SH3BP5L: variants seen among roughly 807,000 people sequenced by gnomAD.
SH3BP5L encodes the protein SH3 binding domain protein 5 like, also known as SH3 domain-binding protein 5-like.
Under a neutral mutation model 40.9 loss-of-function variants are expected in SH3BP5L, and 16 were observed. The observed-to-expected ratio is 0.39, with a 90% CI of 0.27 to 0.59. The LOEUF (loss-of-function observed/expected upper bound fraction) is 0.59, where lower values mean the gene tolerates loss of function less well. SH3BP5L is among the 20% of genes least tolerant of loss of function. The pLI is 0.53. For synonymous variants in SH3BP5L, 229 were observed against 226.7 expected (o/e 1.01, Z -0.09); for missense variants, 471 against 544.6 (o/e 0.86, Z 1.35).
intron 2 of SH3BP5L, 122 bp from the exon 3 acceptor site, chr1:248,817,006 C>T: frequency 6.4e-7 from 1 of 1,572,084 alleles, no homozygotes; most frequent in East Asian, 2.4e-5. Context: ...AGGTGAGACA[C>T]TCAGGAAAGG....
At position 248,811,547 on chromosome 1, in the gene SH3BP5L, CAAGTTCCCTGAGGGAAA is replaced by C. The variant is rs745371629; in HGVS notation, c.*336_*352del. ...ATGAGCTTCCCAGTGCCTTCTAGAC[CAAGTTCCCTGAGGGAAA>C]AAGCCAAACAGATGGAAAGAGAGGG... On this transcript the variant is annotated 3_prime_UTR_variant, in exon 7 of 7. Transcript: ENST00000366472. 7.4e-6 allele frequency: 2 copies of C among 268,890 alleles called. No homozygotes were observed. The highest frequency in any genetic ancestry group is 1.4e-5 in the Non-Finnish European group (2 of 142,224). 16.7% of individuals were successfully genotyped at this position (268,890 alleles called of 1,614,324 possible). A position where few individuals can be genotyped will look rare whatever the true frequency, so the allele number is the denominator to read the frequency against.
rs1664245269 is a variant in SH3BP5L, at chr1:248,821,117, G to A, written c.183+3636C>T. 6.6e-6 allele frequency: 1 copy of A among 152,332 alleles called. No individual in the cohort carries two copies. Among genetic ancestry groups the A allele is most frequent in the African/African-American group, 2.4e-5 (1 of 41,422 alleles). 9.4% of individuals were successfully genotyped at this position (152,332 alleles called of 1,614,324 possible). On this transcript the variant is annotated intron_variant, in intron 2 of 6. Coordinates refer to ENST00000366472, the MANE Select transcript of SH3BP5L (RefSeq NM_030645.3). This position sits in a 1 kb window ranked among gnomAD's most constrained non-coding sequence, Gnocchi z 4.6. Reference sequence around the variant, plus strand: ...GGAGCAAAGCAGCCTGGAGGGCAAGGTCACCACAGGAGGGAGGGGGATAGC... The same window carrying A: ...GGAGCAAAGCAGCCTGGAGGGCAAGATCACCACAGGAGGGAGGGGGATAGC...
In SH3BP5L at chr1:248,811,949, C is replaced by G. The variant is rs1321504838; in HGVS notation, c.1133G>C (p.Ser378Thr). 7 of 1,566,048 alleles carry G rather than the reference C, an allele frequency of 4.5e-6. No individual in the cohort carries two copies. The highest frequency in any genetic ancestry group is 6.1e-6 in the Non-Finnish European group (7 of 1,155,820). ...LGTRSGGRRG[S>T]DGGARGGRHQ... is the part of the protein sequence containing the mutation. ...CCGACCCCCACGGGCTCCGCCGTCG[C>G]TGCCCCGGCGCCCTCCACTCCGCGT... The change falls in exon 7 of 7, where the codon AGC (serine) becomes ACC (threonine). Residue 378 changes from serine to threonine, a missense_variant. Ser to Thr is a moderately conservative substitution (Grantham distance 58). Transcript: ENST00000366472.
chr1:248,812,142 C>G lies in SH3BP5L; in HGVS notation c.940G>C (p.Ala314Pro). 1.2e-6 allele frequency: 2 copies of G among 1,602,196 alleles called. No individual in the cohort carries two copies. Among genetic ancestry groups the G allele is most frequent in the Non-Finnish European group, 1.7e-6 (2 of 1,174,142 alleles). The change falls in exon 7 of 7, where the codon GCG (alanine) becomes CCG (proline). Residue 314 changes from alanine (A) to proline (P), a missense_variant. Ala to Pro is a conservative substitution (Grantham distance 27). Coordinates refer to ENST00000366472, the MANE Select transcript of SH3BP5L (RefSeq NM_030645.3). The surrounding 1 kb of genome is among the most constrained non-coding windows in gnomAD (Gnocchi z 6.1). ...GDSGIEGAEG[A>P]GLEEGSSLGP... is the part of the protein sequence containing the mutation. ...AGGCTGCTGCCCTCCTCCAGCCCCG[C>G]ACCCTCGGCCCCCTCAATCCCGCTG...
At position 248,825,092 on chromosome 1, in the gene SH3BP5L, G is replaced by A; in HGVS notation, c.-157C>T. On this transcript the variant is annotated 5_prime_UTR_variant, in exon 2 of 7. Transcript: ENST00000366472. ...GGGCACAGGAAGAACCTCACACTAG[G>A]TTAGAGGTTGAGATTCAAGTTGTCA... The A allele has an allele frequency of 1.4e-6, 2 of 1,407,046 alleles. No individual in the cohort carries two copies. Among genetic ancestry groups the A allele is most frequent in the African/African-American group, 1.4e-5 (1 of 69,014 alleles). The allele number at this position is 1,407,046 out of a possible 1,614,324, so 87.2% of individuals were successfully genotyped here. A position where few individuals can be genotyped will look rare whatever the true frequency, so the allele number is the denominator to read the frequency against.
chr1:248,814,307 T>C (rs537194323), intron 5 of SH3BP5L, 142 bp downstream of exon 5: 41 of 909,934 alleles, frequency 4.5e-5, no homozygotes, highest in Non-Finnish European at 6.7e-5. Context: ...AACAGAAAAC[T>C]AGGAACAGGT....
chr1:248,818,518 G>A (rs1254342685), intron 2 of SH3BP5L, among the ~76,000 whole-genome samples: 1 of 152,216 alleles, frequency 6.6e-6, no homozygotes, highest in Non-Finnish European at 1.5e-5. Flanking sequence ...CTTTTGGCCT[G>A]CTTGGGCAAT....
At chr1:248,825,765 C>T in intron 1 of SH3BP5L, 70 bp downstream of exon 1, 1 of 549,700 alleles carries the variant, frequency 1.8e-6, no homozygotes, top group Non-Finnish European at 2.3e-6. Context: ...CACACTCTTC[C>T]GCAATCCCAA....
At chr1:248,816,986 C>G (rs747431231) in intron 2 of SH3BP5L, 102 bp from the exon 3 acceptor site, 60 of 1,594,120 alleles carry the variant, frequency 3.8e-5, no homozygotes, top group Non-Finnish European at 5.0e-5. Context: ...CCCACTTGCC[C>G]AGGGAAATGA....
chr1:248,811,475 C>CTCTTATACA lies in SH3BP5L; in HGVS notation c.*424_*425insTGTATAAGA. ...GGAAACCAACGGGAGGGGTGACTGT[C>CTCTTATACA]CATCCCCTCCGACGGGAGTACTCAG... On this transcript the variant is annotated 3_prime_UTR_variant, in exon 7 of 7. Transcript: ENST00000366472. 5.9e-6 allele frequency: 1 copy of CTCTTATACA among 169,730 alleles called. No individual in the cohort carries two copies. The highest frequency in any genetic ancestry group is 1.2e-5 in the Non-Finnish European group (1 of 80,100). The allele number at this position is 169,730 out of a possible 1,614,324, so 10.5% of individuals were successfully genotyped here.
rs1280658888 is a variant in SH3BP5L, at chr1:248,812,087, G to T, written c.995C>A (p.Thr332Asn). 6.2e-7 allele frequency: 1 copy of T among 1,612,336 alleles called. No homozygotes were observed. Among genetic ancestry groups the T allele is most frequent in the African/African-American group, 1.3e-5 (1 of 74,870 alleles). Reference sequence around the variant, plus strand: ...CGTGCGCAGGCTCAGCAGACTCAGGGTATCGGTGTCGGGGGCGGGGCCGGG... The same window carrying T: ...CGTGCGCAGGCTCAGCAGACTCAGGTTATCGGTGTCGGGGGCGGGGCCGGG... ...LGPGPAPDTDTLSLLSLRTVA... is the reference protein window; with the variant it reads ...LGPGPAPDTDNLSLLSLRTVA... The change falls in exon 7 of 7, where the codon ACC becomes AAC. Residue 332 changes from threonine (T) to asparagine (N), a missense_variant. Transcript: ENST00000366472. The surrounding 1 kb of genome is among the most constrained non-coding windows in gnomAD (Gnocchi z 6.1).
Position 248,812,863 on chromosome 1 carries a change from C to A in SH3BP5L, c.711+126G>T, listed in dbSNP as rs1327452988. 3.7e-6 allele frequency: 3 copies of A among 807,958 alleles called. No individual in the cohort carries two copies. Among genetic ancestry groups the A allele is most frequent in the Non-Finnish European group, 5.8e-6 (3 of 519,682 alleles). 50.0% of individuals were successfully genotyped at this position (807,958 alleles called of 1,614,324 possible). A position where few individuals can be genotyped will look rare whatever the true frequency, so the allele number is the denominator to read the frequency against. On this transcript the variant is annotated intron_variant, in intron 6 of 6. Coordinates refer to ENST00000366472, the MANE Select transcript of SH3BP5L (RefSeq NM_030645.3). This position sits in a 1 kb window ranked among gnomAD's most constrained non-coding sequence, Gnocchi z 6.1. Reference sequence around the variant, plus strand: ...TTGGAACATGTGTGCCACCACCCTTCCCCACCGCTAGCCGGAGGCCTCACC... The same window carrying A: ...TTGGAACATGTGTGCCACCACCCTTACCCACCGCTAGCCGGAGGCCTCACC...
rs1357061107 is a variant in SH3BP5L at position 248,810,780 on chromosome 1, G to A, written c.*1120C>T. The A allele has an allele frequency of 6.6e-6, 1 of 152,470 alleles. No homozygotes were observed. The highest frequency in any genetic ancestry group is 1.5e-5 in the Non-Finnish European group (1 of 68,064). The allele number at this position is 152,470 out of a possible 1,614,324, so 9.4% of individuals were successfully genotyped here. A position where few individuals can be genotyped will look rare whatever the true frequency, so the allele number is the denominator to read the frequency against. ...TCCCTACAAACTGGGAGCACTGCCA[G>A]GCAGCTGGAGCTGCTCCCTGCGGAG... On this transcript the variant is annotated 3_prime_UTR_variant, in exon 7 of 7. Transcript: ENST00000366472.
intron 2 of SH3BP5L, chr1:248,817,088 C>T: frequency 1.3e-6 from 2 of 1,514,610 alleles, no homozygotes; most frequent in Non-Finnish European, 1.8e-6. Flanking sequence ...TCACGTAATC[C>T]TCACAACTCT....
rs1433492525 is a variant in SH3BP5L at position 248,812,391 on chromosome 1, C to A, written c.712-21G>T. 1 of 1,590,058 alleles carries A rather than the reference C, an allele frequency of 6.3e-7. No individual in the cohort carries two copies. Among genetic ancestry groups the A allele is most frequent in the South Asian group, 1.1e-5 (1 of 90,532 alleles). On this transcript the variant is annotated intron_variant, in intron 6 of 6. Transcript: ENST00000366472. The surrounding 1 kb of genome is among the most constrained non-coding windows in gnomAD (Gnocchi z 6.1). ...TGCTCCTGCAGAGGGCAGAGCAGAG[C>A]AAGGCGACCCATGGGGCACGTCTCC...
At position 248,812,437 on chromosome 1, in the gene SH3BP5L, C is replaced by G. The variant is rs1663974528; in HGVS notation, c.712-67G>C. 8.1e-7 allele frequency: 1 copy of G among 1,227,918 alleles called. No homozygotes were observed. Among genetic ancestry groups the G allele is most frequent in the African/African-American group, 1.5e-5 (1 of 67,230 alleles). 76.1% of individuals were successfully genotyped at this position (1,227,918 alleles called of 1,614,324 possible). On this transcript the variant is annotated intron_variant, in intron 6 of 6. Coordinates refer to ENST00000366472, the MANE Select transcript of SH3BP5L (RefSeq NM_030645.3). The surrounding 1 kb of genome is among the most constrained non-coding windows in gnomAD (Gnocchi z 6.1). The stretch of plus-strand genomic sequence containing the variant: ...TCTCCACCTTCCTCAGCACTCTGCA[C>G]TGAGGTCTGAGGGCCTGCTCTCCCA...
rs184559221 is a variant in SH3BP5L at position 248,819,141 on chromosome 1, G to C, written c.184-2257C>G. ...TGAAAAGATCTGGGTCAGCAGGTAA[G>C]AATACAGGAAATGGTTTGACATGTT... On this transcript the variant is annotated intron_variant, in intron 2 of 6. Coordinates refer to ENST00000366472, the MANE Select transcript of SH3BP5L (RefSeq NM_030645.3). 1.6e-4 allele frequency among the ~76,000 whole-genome samples: 25 copies of C among 152,280 alleles called. No homozygotes were observed. In the East Asian group the frequency reaches 3.5e-3, roughly 21 times the overall value.
chr1:248,814,961 T>G, intron 4 of SH3BP5L: 1 of 376,730 alleles, frequency 2.7e-6, no homozygotes, highest in East Asian at 6.8e-5. Context: ...AAGATGACCT[T>G]GAGACCATCA....
chr1:248,825,231 C>T lies in SH3BP5L; in HGVS notation c.-296G>A. 7 of 1,146,244 alleles carry T rather than the reference C, an allele frequency of 6.1e-6. No individual in the cohort carries two copies. The highest frequency in any genetic ancestry group is 5.4e-6 in the Non-Finnish European group (5 of 930,444). 71.0% of individuals were successfully genotyped at this position (1,146,244 alleles called of 1,614,324 possible). ...GCTCCAAGGCAGGGGGCAAAGGGGG[C>T]TTGGATCCTGGACCGAGGCCTGCTA... On this transcript the variant is annotated 5_prime_UTR_variant, in exon 2 of 7. Coordinates refer to ENST00000366472, the MANE Select transcript of SH3BP5L (RefSeq NM_030645.3).
Sources: allele counts gnomAD v4.1 joint callset (sites outside exome capture counted in the v4.1 genomes callset), GRCh38; gene constraint gnomAD v4.1.1; non-coding constraint Gnocchi (gnomAD v3.1); transcripts MANE v1.5; gene names NCBI Gene and HGNC (gene_info 2026-07-23, HGNC 2026-07-21).